SLCO3A1: variants seen among roughly 807,000 people sequenced by gnomAD.
SLCO3A1 encodes solute carrier organic anion transporter family member 3A1.
Under a neutral mutation model 63.1 loss-of-function variants are expected in SLCO3A1, and 27 were observed. That is an observed-to-expected ratio of 0.43 (90% CI 0.32 to 0.59). The LOEUF is 0.59. SLCO3A1 is among the 20% of genes least tolerant of loss of function. SLCO3A1 has a pLI of 0.09. For missense variants in SLCO3A1, 773 were observed against 945.8 expected (o/e 0.82, Z 2.40); for synonymous variants, 473 against 409.9 (o/e 1.15, Z -1.86).
chr15:91,985,862 A>G (rs2046045205), intron 2 of SLCO3A1, among the ~76,000 whole-genome samples: 1 of 152,150 alleles, frequency 6.6e-6, no homozygotes, highest in South Asian at 2.1e-4. Flanking sequence ...AGGAGGAATG[A>G]GTGCACGGAG....
At chr15:92,049,494 A>G (rs1332766220) in intron 2 of SLCO3A1, among the ~76,000 whole-genome samples, 5 of 152,150 alleles carry the variant, frequency 3.3e-5, no homozygotes, top group Admixed American at 1.3e-4. Flanking sequence ...ACGGAGGCCA[A>G]TTCTGCCCAA....
chr15:92,028,908 A>AGTGTGTGTGTGTGTGTGTGTGTGTGT lies in SLCO3A1; in HGVS notation c.647-65962_647-65937dup, dbSNP rs61238614. On this transcript the variant is annotated intron_variant, in intron 2 of 9. Coordinates refer to ENST00000318445, the MANE Select transcript of SLCO3A1 (RefSeq NM_013272.4). The stretch of plus-strand genomic sequence containing the variant: ...CGTTCTTGTTTCAGCTGCAGGCACA[A>AGTGTGTGTGTGTGTGTGTGTGTGTGT]GTGTGTGTGTGTGTGTGTGTGTGTG... 9.7e-3 allele frequency among the ~76,000 whole-genome samples: 1,168 copies of AGTGTGTGTGTGTGTGTGTGTGTGTGT among 120,070 alleles called. 52 individuals carry two copies. Among genetic ancestry groups the AGTGTGTGTGTGTGTGTGTGTGTGTGT allele is most frequent in the African/African-American group, 0.019 (543 of 29,248 alleles). The allele number at this position is 120,070 out of a possible 152,430, so 78.8% of individuals were successfully genotyped here. A position where few individuals can be genotyped will look rare whatever the true frequency, so the allele number is the denominator to read the frequency against.
At position 92,165,877 on chromosome 15, in the gene SLCO3A1, C is replaced by T. The variant is rs530838169; in HGVS notation, c.*2742C>T. 4.7e-4 allele frequency: 461 copies of T among 985,122 alleles called. 1 individual carries two copies. The highest frequency in any genetic ancestry group is 1.2e-3 in the South Asian group (26 of 21,276). 61.0% of individuals were successfully genotyped at this position (985,122 alleles called of 1,614,324 possible). ...TGGATTTACAGAATACAAAAATGTA[C>T]GGGATGGAATAAACCTAGAAAGTGA... On this transcript the variant is annotated 3_prime_UTR_variant, in exon 10 of 10. Coordinates refer to ENST00000318445, the MANE Select transcript of SLCO3A1 (RefSeq NM_013272.4).
intron 3 of SLCO3A1, among the ~76,000 whole-genome samples, chr15:92,101,190 A>C (rs1327030937): frequency 6.6e-6 from 1 of 152,178 alleles, no homozygotes; most frequent in Non-Finnish European, 1.5e-5. Flanking sequence ...TTTTTCACCA[A>C]AACTAGCCAA....
At chr15:91,908,205 C>A (rs909968545) in intron 1 of SLCO3A1, among the ~76,000 whole-genome samples, 4 of 151,782 alleles carry the variant, frequency 2.6e-5, no homozygotes, top group Admixed American at 6.6e-5. Context: ...CTGTAATCCC[C>A]ACCCCCACAA....
At chr15:92,139,214 T>G (rs1305898592) in intron 7 of SLCO3A1, among the ~76,000 whole-genome samples, 1 of 149,462 alleles carries the variant, frequency 6.7e-6, no homozygotes, top group Non-Finnish European at 1.5e-5. Context: ...AAAGGCTTTT[T>G]CTGCATCTAT....
intron 2 of SLCO3A1, among the ~76,000 whole-genome samples, chr15:91,960,701 C>G (rs1430847730): frequency 4.6e-5 from 7 of 152,166 alleles, no homozygotes; most frequent in Non-Finnish European, 7.3e-5. Context: ...ACCTGCAGTA[C>G]CCCTTCTTTG....
At chr15:91,880,170 C>CATCTATCTATCT (rs57860021) in intron 1 of SLCO3A1, among the ~76,000 whole-genome samples, 64 of 126,262 alleles carry the variant, frequency 5.1e-4, no homozygotes, top group East Asian at 2.2e-3. Context: ...TCCATCCATC[C>CATCTATCTATCT]ATCTATCTAT....
intron 2 of SLCO3A1, among the ~76,000 whole-genome samples, chr15:92,016,266 A>ATAGATAGAT (rs2046434816): frequency 1.5e-5 from 2 of 134,912 alleles, no homozygotes; most frequent in Non-Finnish European, 3.2e-5. Flanking sequence ...AGATAGATAG[A>ATAGATAGAT]TAGATAGATA....
chr15:92,024,207 A>T (rs910168052), intron 2 of SLCO3A1, among the ~76,000 whole-genome samples: 2 of 152,240 alleles, frequency 1.3e-5, no homozygotes, highest in Non-Finnish European at 2.9e-5. Flanking sequence ...CCCCACTTCC[A>T]TACATATCAT....
intron 1 of SLCO3A1, among the ~76,000 whole-genome samples, chr15:91,906,903 T>G (rs1333448864): frequency 6.8e-6 from 1 of 147,770 alleles, no homozygotes; most frequent in East Asian, 2.0e-4. Context: ...ATGAGATTTA[T>G]GAGTAGGAAG....
intron 2 of SLCO3A1, among the ~76,000 whole-genome samples, chr15:92,065,149 CT>C (rs1416582198): frequency 2.0e-5 from 3 of 152,220 alleles, no homozygotes; most frequent in African/African-American, 7.2e-5. Context: ...GTGGCACGAT[CT>C]CAGCTCACTG....
At chr15:92,143,713 G>A (rs186203508) in intron 7 of SLCO3A1, among the ~76,000 whole-genome samples, 11 of 151,002 alleles carry the variant, frequency 7.3e-5, no homozygotes, top group Admixed American at 6.6e-4. Flanking sequence ...ATAGGGTGCC[G>A]TTACTAAGGC....
At chr15:91,857,187 A>G (rs935286527) in intron 1 of SLCO3A1, among the ~76,000 whole-genome samples, 1 of 152,018 alleles carries the variant, frequency 6.6e-6, no homozygotes, top group Non-Finnish European at 1.5e-5. Flanking sequence ...TGTATTGTAT[A>G]TAAGGCCATC....
At chr15:92,003,338 C>A (rs1202305225) in intron 2 of SLCO3A1, among the ~76,000 whole-genome samples, 2 of 152,172 alleles carry the variant, frequency 1.3e-5, no homozygotes, top group African/African-American at 4.8e-5. Flanking sequence ...CTGTCTCACC[C>A]CTAGTGGTTA....
chr15:91,928,136 A>G (rs369842189), intron 2 of SLCO3A1, among the ~76,000 whole-genome samples: 2 of 152,242 alleles, frequency 1.3e-5, no homozygotes, highest in African/African-American at 4.8e-5. Flanking sequence ...GTTTAATACT[A>G]GGATTCATTA....
intron 2 of SLCO3A1, among the ~76,000 whole-genome samples, chr15:92,066,897 C>T (rs911260593): frequency 6.6e-6 from 1 of 152,204 alleles, no homozygotes; most frequent in East Asian, 1.9e-4. Flanking sequence ...AATATTGCAA[C>T]TTCTCTGTGC....
chr15:92,062,065 G>T (rs1410625992), intron 2 of SLCO3A1, among the ~76,000 whole-genome samples: 3 of 152,168 alleles, frequency 2.0e-5, no homozygotes, highest in Non-Finnish European at 2.9e-5. Context: ...CCCTCCTGGA[G>T]GCCTTGTCAA....
intron 2 of SLCO3A1, among the ~76,000 whole-genome samples, chr15:92,032,651 G>A (rs544515451): frequency 2.6e-5 from 4 of 152,264 alleles, no homozygotes; most frequent in South Asian, 2.1e-4. Context: ...CCCTGGGTGC[G>A]GTGATTGGGT....
Sources: gnomAD v4.1 joint callset for allele counts (sites outside exome capture counted in the v4.1 genomes callset) on GRCh38, gnomAD v4.1.1 for gene constraint, MANE v1.5 for transcripts, NCBI Gene and HGNC (gene_info 2026-07-23, HGNC 2026-07-21) for gene names.